BRD4: variants seen among roughly 807,000 people sequenced by gnomAD.
BRD4 encodes bromodomain-containing protein 4.
A neutral mutation model predicts 142.1 loss-of-function variants in BRD4; 16 were observed. That is an observed-to-expected ratio of 0.11 (90% CI 0.08 to 0.17). The LOEUF (loss-of-function observed/expected upper bound fraction) is 0.17, where lower values mean the gene tolerates loss of function less well. Ranked by LOEUF, BRD4 falls within the 10% of genes least tolerant of loss-of-function variation. The probability of loss-of-function intolerance (pLI) is 1.00; values close to 1 mark genes in which losing one functional copy is unlikely to be tolerated. For synonymous variants in BRD4, 833 were observed against 707.5 expected (o/e 1.18, Z -2.82); for missense variants, 1,424 against 1,810.9 (o/e 0.79, Z 3.88).
chr19:15,268,850 G>A (rs764942095), intron 3 of BRD4, 55 bp downstream of exon 3: 86 of 1,598,710 alleles, frequency 5.4e-5, no homozygotes, highest in Admixed American at 2.0e-4. Context: ...GCCCACTGCC[G>A]TCGCCTCCCC....
chr19:15,263,412 A>C lies in BRD4; in HGVS notation c.1341+8T>G. On this transcript the variant is annotated splice_region_variant and intron_variant, in intron 7 of 19. Transcript: ENST00000679869. ...TGCTGAGGGTGGCTGCGCCCTCCCA[A>C]GCCTCACCTGGAGCTTGCGGGCCAT... 6.2e-7 allele frequency: 1 copy of C among 1,613,328 alleles called. No homozygotes were observed. Among genetic ancestry groups the C allele is most frequent in the Non-Finnish European group, 8.5e-7 (1 of 1,179,288 alleles).
chr19:15,262,080 G>C (rs977788717), intron 7 of BRD4, among the ~76,000 whole-genome samples: 2 of 152,184 alleles, frequency 1.3e-5, no homozygotes, highest in African/African-American at 4.8e-5. Flanking sequence ...CAGAGAATAG[G>C]AGAGACAGTG....
At chr19:15,242,542 G>C (rs2047246408) in intron 14 of BRD4, among the ~76,000 whole-genome samples, 1 of 152,090 alleles carries the variant, frequency 6.6e-6, no homozygotes, top group Admixed American at 6.6e-5. Flanking sequence ...GCTGCTACCT[G>C]TCTGCGATCA....
rs772876110 is a variant in BRD4, at chr19:15,243,333, C to G, written c.2736G>C (p.Leu912=). 2.9e-6 allele frequency: 4 copies of G among 1,372,996 alleles called. No homozygotes were observed. Among genetic ancestry groups the G allele is most frequent in the Admixed American group, 6.7e-5 (2 of 29,818 alleles). The allele number at this position is 1,372,996 out of a possible 1,614,324, so 85.1% of individuals were successfully genotyped here. A position where few individuals can be genotyped will look rare whatever the true frequency, so the allele number is the denominator to read the frequency against. ...QPPMAQPPQV[L]LEDEEPPAPP... ...GGGCAGGTGGCTCTTCATCCTCCAG[C>G]AGCACTTGGGGGGGTTGGGCCATGG... is the stretch of plus-strand genomic sequence containing the variant. Residue 912 remains leucine (L), a synonymous_variant, in exon 14 of 20, where the codon CTG becomes CTC. Transcript: ENST00000679869.
Position 15,267,463 on chromosome 19 carries a change from A to T in BRD4, c.512T>A (p.Ile171Asn). ...TCTTCCTTTTGCCTGGACTATCATG[A>T]TCTCGGTTTCTTCTGTGGGTAGCTC... is the stretch of plus-strand genomic sequence containing the variant. ...INELPTEETE[I>N]MIVQAKGRGR... The change falls in exon 4 of 20, where the codon ATC becomes AAC. Residue 171 changes from isoleucine to asparagine, a missense_variant. Around this residue, in one of 16 missense-constraint regions of BRD4, gnomAD observed 55 missense variants for 160.7 expected, o/e 0.34. Transcript: ENST00000679869. 1 of 1,614,034 alleles carries T rather than the reference A, an allele frequency of 6.2e-7. No homozygotes were observed. The highest frequency in any genetic ancestry group is 8.5e-7 in the Non-Finnish European group (1 of 1,180,008).
chr19:15,267,161 T>G lies in BRD4; in HGVS notation c.559+255A>C, dbSNP rs564150153. On this transcript the variant is annotated intron_variant, in intron 4 of 19. Transcript: ENST00000679869. ...GTCAAAGTGCTTTGAGAAGTTACACTTTCCTTTTACCCTAAGTCCATCACC... is the reference window on the plus strand; with the variant it reads ...GTCAAAGTGCTTTGAGAAGTTACACGTTCCTTTTACCCTAAGTCCATCACC... 5.3e-5 allele frequency among the ~76,000 whole-genome samples: 8 copies of G among 152,316 alleles called. No homozygotes were observed. In the East Asian group the frequency reaches 1.5e-3, roughly 29 times the overall value.
rs1343864734 is a variant in BRD4 at position 15,264,769 on chromosome 19, G to A, written c.850-3C>T. On this transcript the variant is annotated splice_region_variant and splice_polypyrimidine_tract_variant and intron_variant, in intron 5 of 19. Coordinates refer to ENST00000679869, the MANE Select transcript of BRD4 (RefSeq NM_001379291.1). ...TTCCTCTTCACTCCCTTCTTTGTCT[G>A]CCAAGAACACGGACGCCAACAGGCA... 2 of 1,595,694 alleles carry A rather than the reference G, an allele frequency of 1.3e-6. No individual in the cohort carries two copies. Among genetic ancestry groups the A allele is most frequent in the Non-Finnish European group, 1.7e-6 (2 of 1,168,652 alleles).
chr19:15,296,424 T>C (rs1034319829), intron 1 of BRD4, among the ~76,000 whole-genome samples: 2 of 152,172 alleles, frequency 1.3e-5, no homozygotes, highest in African/African-American at 4.8e-5. Flanking sequence ...CAAGTGCATA[T>C]TGGCATGGAT....
At chr19:15,251,182 T>C (rs1030529010) in intron 11 of BRD4, among the ~76,000 whole-genome samples, 5 of 151,970 alleles carry the variant, frequency 3.3e-5, no homozygotes, top group African/African-American at 7.3e-5. Flanking sequence ...CTGTGTTCCG[T>C]TGCTCCCTGA....
intron 1 of BRD4, among the ~76,000 whole-genome samples, chr19:15,308,652 T>G (rs920934579): frequency 7.9e-5 from 12 of 151,092 alleles, no homozygotes; most frequent in Non-Finnish European, 1.2e-4. Flanking sequence ...AATAAAAATT[T>G]GTAAGAAAAA....
intron 6 of BRD4, among the ~76,000 whole-genome samples, chr19:15,263,834 G>A (rs1228975710): frequency 6.6e-6 from 1 of 152,180 alleles, no homozygotes; most frequent in Non-Finnish European, 1.5e-5. Context: ...TGATGGAGAG[G>A]GCTGGGCCCA....
Position 15,315,707 on chromosome 19 carries a change from C to A in BRD4, c.-35+16583G>T, listed in dbSNP as rs368362348. ...CATCTCCACTAAAAATACAAAAAAA[C>A]CAGCCGGGCGTGGTGGCCGGCGCCT... On this transcript the variant is annotated intron_variant, in intron 1 of 19. Transcript: ENST00000679869. Among the ~76,000 whole-genome samples the A allele has an allele frequency of 1.8e-4, 28 of 151,894 alleles. No individual in the cohort carries two copies. The East Asian group carries it at 4.7e-3, about 25-fold the overall frequency.
At chr19:15,257,303 G>A in intron 7 of BRD4, 130 bp from the exon 8 acceptor site, 1 of 887,946 alleles carries the variant, frequency 1.1e-6, no homozygotes, top group South Asian at 1.8e-5. Flanking sequence ...TGGTGATCCT[G>A]TCTCTTTGCT....
chr19:15,242,105 C>T (rs1038308381), intron 14 of BRD4, among the ~76,000 whole-genome samples: 2 of 152,164 alleles, frequency 1.3e-5, no homozygotes, highest in African/African-American at 4.8e-5. Context: ...TGAGCCACCG[C>T]GCCCGGCCTG....
Position 15,244,692 on chromosome 19 carries a change from GC to G in BRD4, c.2211+17del. The G allele has an allele frequency of 6.2e-7, 1 of 1,614,126 alleles. No individual in the cohort carries two copies. On this transcript the variant is annotated intron_variant, in intron 12 of 19. Coordinates refer to ENST00000679869, the MANE Select transcript of BRD4 (RefSeq NM_001379291.1). ...CCCAACGTCCCACCTAATGAAGGAT[GC>G]CCCTGAGCCCATGTACCTTCTTCTG...
intron 11 of BRD4, among the ~76,000 whole-genome samples, chr19:15,245,490 G>T (rs1025003025): frequency 6.6e-6 from 1 of 152,204 alleles, no homozygotes; most frequent in East Asian, 1.9e-4. Flanking sequence ...GCTGCAGACA[G>T]AAGGCAGCAT....
At chr19:15,278,598 T>C (rs557351326) in intron 1 of BRD4, among the ~76,000 whole-genome samples, 1 of 137,938 alleles carries the variant, frequency 7.2e-6, no homozygotes, top group East Asian at 2.1e-4. Context: ...ATAAAATATA[T>C]ATTCCTGTTT....
At chr19:15,291,714 T>C (rs1384871560) in intron 1 of BRD4, among the ~76,000 whole-genome samples, 1 of 152,234 alleles carries the variant, frequency 6.6e-6, no homozygotes, top group East Asian at 1.9e-4. Context: ...CAGCTTCCAT[T>C]TGGTGATAGC....
intron 7 of BRD4, among the ~76,000 whole-genome samples, chr19:15,261,318 T>C (rs999915857): frequency 3.2e-4 from 48 of 152,002 alleles, no homozygotes; most frequent in Non-Finnish European, 1.9e-4. Flanking sequence ...ACCCCCTCTC[T>C]ACTAAAAAAC....
Sources: gnomAD v4.1 joint callset for allele counts (sites outside exome capture counted in the v4.1 genomes callset) on GRCh38, gnomAD v4.1.1 for gene constraint, gnomAD v4.1.1 regional missense constraint, MANE v1.5 for transcripts, NCBI Gene and HGNC (gene_info 2026-07-23, HGNC 2026-07-21) for gene names.